The following STARD13 variants were observed in gnomAD, a reference collection of about 807,000 sequenced individuals.
The protein encoded by STARD13 is StAR related lipid transfer domain containing 13.
In STARD13, 62 loss-of-function variants were observed where a neutral mutation model predicts 106.4. The observed-to-expected ratio is 0.58, with a 90% CI of 0.48 to 0.72. STARD13 has a LOEUF of 0.72. STARD13 is among the 30% of genes least tolerant of loss of function. The probability of loss-of-function intolerance (pLI) is 0.00; values close to 1 mark genes in which losing one functional copy is unlikely to be tolerated. For synonymous variants in STARD13, 565 were observed against 553.0 expected (o/e 1.02, Z -0.31); for missense variants, 1,387 against 1,424.0 (o/e 0.97, Z 0.42).
intron 1 of STARD13, among the ~76,000 whole-genome samples, chr13:33,341,498 G>A (rs2077959834): frequency 6.6e-6 from 1 of 151,422 alleles, no homozygotes; most frequent in Admixed American, 6.6e-5. Context: ...AATTAGCCGG[G>A]TGTGGTGGCT....
chr13:33,466,195 A>T, the STARD13 span, among the ~76,000 whole-genome samples: 1 of 152,198 alleles, frequency 6.6e-6, no homozygotes, highest in East Asian at 1.9e-4. Flanking sequence ...TTTACAAGAG[A>T]TACATATTAC....
chr13:33,273,081 A>G (rs887164089), intron 1 of STARD13, among the ~76,000 whole-genome samples: 1 of 152,234 alleles, frequency 6.6e-6, no homozygotes, highest in East Asian at 1.9e-4. Flanking sequence ...TCCATACAAC[A>G]AAACTCGATT....
intron 1 of STARD13, among the ~76,000 whole-genome samples, chr13:33,282,191 G>A (rs1891822268): frequency 6.6e-6 from 1 of 151,942 alleles, no homozygotes; most frequent in Non-Finnish European, 1.5e-5. Context: ...AAGAATGTGG[G>A]GTAGGGATTA....
intron 1 of STARD13, chr13:33,185,905 T>C (rs760403152): frequency 6.2e-7 from 1 of 1,614,256 alleles, no homozygotes. Flanking sequence ...TGGTTCACTC[T>C]GCTTTTCTGT....
At chr13:33,491,289 G>A in the STARD13 span, among the ~76,000 whole-genome samples, 2 of 152,174 alleles carry the variant, frequency 1.3e-5, no homozygotes, top group African/African-American at 2.4e-5. Context: ...GAATGTGAGG[G>A]CTGAGTTAGC....
At chr13:33,501,045 G>A in the STARD13 span, among the ~76,000 whole-genome samples, 5 of 140,978 alleles carry the variant, frequency 3.5e-5, no homozygotes, top group African/African-American at 1.3e-4. Flanking sequence ...AAAAAACCCT[G>A]CCACATCACA....
At position 33,129,561 on chromosome 13, in the gene STARD13, C is replaced by G; in HGVS notation, c.1116G>C (p.Gly372=). ...GGTCCCCTGCATCCGGCAGTGCTGT[C>G]CCCGCCAGCACATCTAGGTCCTCCA... ...MYLEDLDVLA[G]TALPDAGDQS... is the part of the protein sequence containing the mutation. Residue 372 remains glycine, a synonymous_variant, in exon 5 of 14, where the codon GGG becomes GGC. Coordinates refer to ENST00000336934, the MANE Select transcript of STARD13 (RefSeq NM_178006.4). 1 of 1,614,180 alleles carries G rather than the reference C, an allele frequency of 6.2e-7. No homozygotes were observed. The highest frequency in any genetic ancestry group is 8.5e-7 in the Non-Finnish European group (1 of 1,180,032).
chr13:33,322,358 G>A (rs1465718492), intron 1 of STARD13, among the ~76,000 whole-genome samples: 2 of 152,230 alleles, frequency 1.3e-5, no homozygotes, highest in African/African-American at 4.8e-5. Context: ...GGCTCAAGGA[G>A]CTCTCTGTTT....
chr13:33,344,164 G>C (rs1440478312), downstream of STARD13, among the ~76,000 whole-genome samples: 1 of 151,762 alleles, frequency 6.6e-6, no homozygotes, highest in Non-Finnish European at 1.5e-5. Flanking sequence ...AATTGAATCA[G>C]AATCTCCGGG....
chr13:33,106,879 C>T lies in STARD13; in HGVS notation c.3103G>A (p.Glu1035Lys), dbSNP rs1470797875. The T allele has an allele frequency of 1.9e-6, 3 of 1,614,176 alleles. No homozygotes were observed. Among genetic ancestry groups the T allele is most frequent in the African/African-American group, 1.3e-5 (1 of 75,040 alleles). Reference protein sequence around the residue: ...GMCTLVSLSVEHEEAQLLGGV... With the variant: ...GMCTLVSLSVKHEEAQLLGGV... ...CCCAGGAGCTGGGCTTCCTCATGCT[C>T]CACGGAGAGGGACACCAGGGTACAC... The change falls in exon 13 of 14, where the codon GAG (glutamate) becomes AAG (lysine). Residue 1035 changes from glutamate to lysine, a missense_variant. Transcript: ENST00000336934.
the STARD13 span, among the ~76,000 whole-genome samples, chr13:33,624,375 C>T: frequency 6.6e-5 from 10 of 152,372 alleles, no homozygotes; most frequent in East Asian, 1.7e-3. Context: ...TTGTGGGCCC[C>T]GCTGCGGGCA....
chr13:33,524,469 T>A, the STARD13 span: 290 of 162,548 alleles, frequency 1.8e-3, 3 homozygotes, highest in Middle Eastern at 0.023. Context: ...TCAATAAAAA[T>A]TTTTTTAAAC....
intron 1 of STARD13, among the ~76,000 whole-genome samples, chr13:33,215,371 T>C (rs914389162): frequency 6.6e-6 from 1 of 152,182 alleles, no homozygotes; most frequent in African/African-American, 2.4e-5. Flanking sequence ...ACAGTGAAGA[T>C]CTATCTCCTA....
chr13:33,371,739 G>C, the STARD13 span, among the ~76,000 whole-genome samples: 1 of 152,100 alleles, frequency 6.6e-6, no homozygotes, highest in African/African-American at 2.4e-5. Context: ...GACCCTCTGA[G>C]GTCTCTTTTC....
chr13:33,484,585 T>C, the STARD13 span, among the ~76,000 whole-genome samples: 19 of 152,116 alleles, frequency 1.2e-4, no homozygotes, highest in Admixed American at 1.2e-3. Flanking sequence ...ACCCATTCCC[T>C]AGCCCTGACC....
the STARD13 span, among the ~76,000 whole-genome samples, chr13:33,583,160 A>G: frequency 5.9e-5 from 9 of 152,348 alleles, no homozygotes; most frequent in African/African-American, 1.9e-4. Flanking sequence ...CATGAGCTGT[A>G]GAAGTCAGTA....
At chr13:33,334,649 G>A (rs536751669) in intron 1 of STARD13, among the ~76,000 whole-genome samples, 1 of 152,300 alleles carries the variant, frequency 6.6e-6, no homozygotes, top group Non-Finnish European at 1.5e-5. Flanking sequence ...TGAAGGGCTT[G>A]AGCCAGCTCT....
the STARD13 span, among the ~76,000 whole-genome samples, chr13:33,599,713 T>G: frequency 1.3e-5 from 2 of 150,928 alleles, no homozygotes; most frequent in African/African-American, 4.9e-5. Flanking sequence ...AGAGAGAGAG[T>G]GAGAGGGAGA....
the STARD13 span, among the ~76,000 whole-genome samples, chr13:33,573,723 A>C: frequency 2.6e-5 from 4 of 152,288 alleles, no homozygotes; most frequent in South Asian, 6.2e-4. Context: ...AATAATGTTA[A>C]ATTTTATAAA....
Sources: allele counts gnomAD v4.1 joint callset (sites outside exome capture counted in the v4.1 genomes callset), GRCh38; gene constraint gnomAD v4.1.1; transcripts MANE v1.5; gene names NCBI Gene and HGNC (gene_info 2026-07-23, HGNC 2026-07-21).